ESYT2: variants seen among roughly 807,000 people sequenced by gnomAD.
ESYT2 encodes extended synaptotagmin 2.
In ESYT2, 54 loss-of-function variants were observed where a neutral mutation model predicts 107.2. The ratio of observed to expected loss-of-function variants is 0.50; its 90% CI spans 0.40 to 0.63. The LOEUF is 0.63. ESYT2 is among the 30% of genes least tolerant of loss of function. ESYT2 has a pLI of 0.00. For missense variants in ESYT2, 1,020 were observed against 1,094.5 expected, an observed-to-expected ratio of 0.93 and a Z score of 0.96; for synonymous variants, 491 against 434.1, an observed-to-expected ratio of 1.13 and a Z score of -1.63.
intron 6 of ESYT2, among the ~76,000 whole-genome samples, chr7:158,778,837 G>A (rs1365236619): frequency 6.6e-6 from 1 of 151,772 alleles, no homozygotes; most frequent in Non-Finnish European, 1.5e-5. Flanking sequence ...CGTGTGACTG[G>A]CTGGCTTCAC....
At chr7:158,803,617 A>G (rs1263437441) in intron 1 of ESYT2, among the ~76,000 whole-genome samples, 1 of 152,230 alleles carries the variant, frequency 6.6e-6, no homozygotes, top group African/African-American at 2.4e-5. Context: ...AATGGTCAGA[A>G]AGACTTGCAG....
chr7:158,750,350 C>T (rs937259900), intron 14 of ESYT2, among the ~76,000 whole-genome samples: 5 of 152,080 alleles, frequency 3.3e-5, no homozygotes, highest in African/African-American at 4.8e-5. Flanking sequence ...GAAGTACACA[C>T]TAGCACAGAT....
At position 158,782,453 on chromosome 7, in the gene ESYT2, CAAGT is replaced by C. The variant is rs200618043; in HGVS notation, c.747+5547_747+5550del. On this transcript the variant is annotated intron_variant, in intron 6 of 22. Transcript: ENST00000275418. The stretch of plus-strand genomic sequence containing the variant: ...TGAGGTGTGAGTGTAAGAACGAGAA[CAAGT>C]GAGTGAACGAGTGTGAGAACAGTGA... 7.5e-3 allele frequency among the ~76,000 whole-genome samples: 950 copies of C among 127,514 alleles called. 25 individuals carry two copies. The East Asian group carries it at 0.1, about 14-fold the overall frequency. The allele number at this position is 127,514 out of a possible 152,430, so 83.7% of individuals were successfully genotyped here.
chr7:158,739,109 C>G lies in ESYT2; in HGVS notation c.2181G>C (p.Leu727=). The G allele has an allele frequency of 6.2e-7, 1 of 1,614,078 alleles. No individual in the cohort carries two copies. Among genetic ancestry groups the G allele is most frequent in the Non-Finnish European group, 8.5e-7 (1 of 1,179,982 alleles). Residue 727 remains leucine, a synonymous_variant, in exon 19 of 23, where the codon CTG becomes CTC. Coordinates refer to ENST00000275418, the MANE Select transcript of ESYT2 (RefSeq NM_001367773.1). ...RLRQLENGTT[L]GQSPLGQIQL... ...GGATCTGCCCCAGTGGAGACTGTCC[C>G]AGGGTCGTCCCGCTGTGGGAAAAGA... is the stretch of plus-strand genomic sequence containing the variant.
chr7:158,771,625 G>A (rs1838375091), intron 7 of ESYT2, among the ~76,000 whole-genome samples: 1 of 152,198 alleles, frequency 6.6e-6, no homozygotes, highest in Admixed American at 6.5e-5. Context: ...CGCCCACCCT[G>A]CATGGGTGGG....
In ESYT2 at chr7:158,829,158, CGCGCGGCACA is replaced by C; in HGVS notation, c.251_260del (p.Leu84ArgfsTer36). The C allele has an allele frequency of 6.4e-7, 1 of 1,557,380 alleles. No homozygotes were observed. The highest frequency in any genetic ancestry group is 1.4e-5 in the African/African-American group (1 of 72,500). ...GCTCCTCGTCTTCCAGCAGCGCCAG[CGCGCGGCACA>C]GGCGCAGGGCCTTGAGGCCGCGGCT... On this transcript the variant is annotated frameshift_variant, in exon 1 of 23. Coordinates refer to ENST00000275418, the MANE Select transcript of ESYT2 (RefSeq NM_001367773.1). LOFTEE classifies it high-confidence loss of function.
chr7:158,760,170 T>C, intron 11 of ESYT2, 23 bp from the exon 12 acceptor site: 2 of 1,606,980 alleles, frequency 1.2e-6, no homozygotes, highest in Non-Finnish European at 1.7e-6. Flanking sequence ...AATGTTTACG[T>C]TCAGCAAAAG....
intron 6 of ESYT2, among the ~76,000 whole-genome samples, chr7:158,786,272 T>A (rs946009015): frequency 2.6e-5 from 4 of 152,222 alleles, no homozygotes; most frequent in Non-Finnish European, 5.9e-5. Flanking sequence ...ATGAACTTTT[T>A]AAAAAGGTCT....
In ESYT2 at chr7:158,734,141, T is replaced by G; in HGVS notation, c.*66A>C. ...TATAAAAATAACATTGGTACGTCTG[T>G]GAGAGGGTGTGTTCCGGGTAGAGGT... is the stretch of plus-strand genomic sequence containing the variant. On this transcript the variant is annotated 3_prime_UTR_variant, in exon 23 of 23. Transcript: ENST00000275418. The G allele has an allele frequency of 1.5e-4, 235 of 1,523,672 alleles. No individual in the cohort carries two copies. The highest frequency in any genetic ancestry group is 2.0e-4 in the Non-Finnish European group (216 of 1,099,596). The allele number at this position is 1,523,672 out of a possible 1,614,324, so 94.4% of individuals were successfully genotyped here.
At chr7:158,790,274 G>T (rs1165554429) in intron 4 of ESYT2, among the ~76,000 whole-genome samples, 3 of 152,168 alleles carry the variant, frequency 2.0e-5, no homozygotes, top group Admixed American at 1.3e-4. Flanking sequence ...TAAACTCAAA[G>T]ATGATCATTT....
intron 1 of ESYT2, among the ~76,000 whole-genome samples, chr7:158,822,039 AT>A (rs1159876779): frequency 6.6e-6 from 1 of 152,034 alleles, no homozygotes; most frequent in Admixed American, 6.5e-5. Context: ...CAGAGTGTAA[AT>A]ATGAAGACAG....
Position 158,738,327 on chromosome 7 carries a change from ATACACACACAC to A in ESYT2, c.2267+685_2267+695del, listed in dbSNP as rs1374622045. ...ACTCTGTCTCCAAAAAAAAAAAAAAATACACACACACACACAGACACACACACACACACACA... is the reference window on the plus strand; with the variant it reads ...ACTCTGTCTCCAAAAAAAAAAAAAAAACACAGACACACACACACACACACA... On this transcript the variant is annotated intron_variant, in intron 19 of 22. Transcript: ENST00000275418. Among the ~76,000 whole-genome samples, 768 of 105,448 alleles carry A rather than the reference ATACACACACAC, an allele frequency of 7.3e-3. 31 individuals are homozygous for A. The highest frequency in any genetic ancestry group is 0.026 in the African/African-American group (712 of 27,364). The allele number at this position is 105,448 out of a possible 152,430, so 69.2% of individuals were successfully genotyped here.
At chr7:158,753,797 T>C (rs1187708474) in intron 13 of ESYT2, among the ~76,000 whole-genome samples, 1 of 151,934 alleles carries the variant, frequency 6.6e-6, no homozygotes, top group Admixed American at 6.6e-5. Context: ...CGTCTCTAGG[T>C]GGAGCCTGGA....
Position 158,798,086 on chromosome 7 carries a change from A to G in ESYT2, c.373-10T>C, listed in dbSNP as rs768637922. The stretch of plus-strand genomic sequence containing the variant: ...ACATGTGTTTTACAGTCTGGAAAGG[A>G]AAAAGAACTCAGTTTAAACAAAATG... On this transcript the variant is annotated splice_polypyrimidine_tract_variant and intron_variant, in intron 2 of 22. Coordinates refer to ENST00000275418, the MANE Select transcript of ESYT2 (RefSeq NM_001367773.1). 2 of 1,613,904 alleles carry G rather than the reference A, an allele frequency of 1.2e-6. No homozygotes were observed. The highest frequency in any genetic ancestry group is 2.2e-5 in the South Asian group (2 of 91,044).
chr7:158,797,916 GTGAGGATACTTAAGAGAA>G lies in ESYT2; in HGVS notation c.507+8_507+25del. The G allele has an allele frequency of 6.2e-7, 1 of 1,608,658 alleles. No individual in the cohort carries two copies. The highest frequency in any genetic ancestry group is 8.5e-7 in the Non-Finnish European group (1 of 1,178,366). ...TTCACAGCAATCTGACTGTGTGCAC[GTGAGGATACTTAAGAGAA>G]CACTGACCTGCTGGCCCACGTCGAC... On this transcript the variant is annotated splice_region_variant and intron_variant, in intron 3 of 22. Coordinates refer to ENST00000275418, the MANE Select transcript of ESYT2 (RefSeq NM_001367773.1).
chr7:158,765,164 AGC>A (rs1838111048), intron 8 of ESYT2, among the ~76,000 whole-genome samples: 1 of 151,984 alleles, frequency 6.6e-6, no homozygotes, highest in South Asian at 2.1e-4. Context: ...GCAGCCCCAG[AGC>A]GCGCTCCTGG....
At chr7:158,765,899 T>C (rs1260531966) in intron 8 of ESYT2, among the ~76,000 whole-genome samples, 1 of 151,918 alleles carries the variant, frequency 6.6e-6, no homozygotes, top group Non-Finnish European at 1.5e-5. Context: ...CACATCCTTT[T>C]TTAAAATTAC....
Position 158,738,329 on chromosome 7 carries a change from ACACACACACAC to A in ESYT2, c.2267+683_2267+693del, listed in dbSNP as rs1563614938. ...TCTGTCTCCAAAAAAAAAAAAAAATACACACACACACACAGACACACACACACACACACACA... is the reference window on the plus strand; with the variant it reads ...TCTGTCTCCAAAAAAAAAAAAAAATAACAGACACACACACACACACACACA... On this transcript the variant is annotated intron_variant, in intron 19 of 22. Transcript: ENST00000275418. Among the ~76,000 whole-genome samples, 381 of 84,790 alleles carry A rather than the reference ACACACACACAC, an allele frequency of 4.5e-3. 1 individual carries two copies. Among genetic ancestry groups the A allele is most frequent in the African/African-American group, 0.014 (296 of 20,770 alleles). The allele number at this position is 84,790 out of a possible 152,430, so 55.6% of individuals were successfully genotyped here.
chr7:158,782,689 G>A (rs1213151670), intron 6 of ESYT2, among the ~76,000 whole-genome samples: 1 of 152,128 alleles, frequency 6.6e-6, no homozygotes, highest in Admixed American at 6.6e-5. Context: ...TGTGAGAATG[G>A]GTGTGAAAAC....
Sources: allele counts gnomAD v4.1 joint callset (sites outside exome capture counted in the v4.1 genomes callset), GRCh38; gene constraint gnomAD v4.1.1; transcripts MANE v1.5; gene names NCBI Gene and HGNC (gene_info 2026-07-23, HGNC 2026-07-21).